ARL15: variants seen among roughly 807,000 people sequenced by gnomAD.
The protein encoded by ARL15 is ARF like GTPase 15.
Under a neutral mutation model 25.2 loss-of-function variants are expected in ARL15, and 19 were observed. That is an observed-to-expected ratio of 0.75 (90% CI 0.53 to 1.10). The LOEUF (loss-of-function observed/expected upper bound fraction) is 1.10. Ranked by LOEUF, ARL15 falls within the 50% of genes least tolerant of loss-of-function variation. The pLI is 0.00. For missense variants in ARL15, 220 were observed against 246.0 expected (o/e 0.89, Z 0.71); for synonymous variants, 94 against 86.8 (o/e 1.08, Z -0.46).
At chr5:54,191,765 GCCTCACACTGGCTC>G (rs1445216383) in intron 1 of ARL15, among the ~76,000 whole-genome samples, 1 of 151,950 alleles carries the variant, frequency 6.6e-6, no homozygotes, top group East Asian at 1.9e-4. Flanking sequence ...TATTCCAAAA[GCCTCACACTGGCTC>G]CCTGCTTTCA....
At chr5:54,098,724 C>T (rs1030392438) in intron 4 of ARL15, among the ~76,000 whole-genome samples, 1 of 152,124 alleles carries the variant, frequency 6.6e-6, no homozygotes, top group Admixed American at 6.6e-5. Flanking sequence ...CATTTTTTAA[C>T]TAAGTAATTT....
chr5:54,191,631 T>C (rs1283523396), intron 1 of ARL15, among the ~76,000 whole-genome samples: 1 of 152,246 alleles, frequency 6.6e-6, no homozygotes, highest in Non-Finnish European at 1.5e-5. Context: ...TTGGCACCCC[T>C]TTTTCTCTCA....
At chr5:53,954,999 C>T (rs770475243) in intron 4 of ARL15, among the ~76,000 whole-genome samples, 6 of 151,928 alleles carry the variant, frequency 3.9e-5, no homozygotes, top group Non-Finnish European at 7.4e-5. Context: ...TCTTCCAGCA[C>T]TGAAATGCAC....
chr5:54,292,807 T>C lies in ARL15; in HGVS notation c.48+17625A>G, dbSNP rs72756289. Reference sequence around the variant, plus strand: ...ACGTGGGTATTTCCAGGCCTGTTTCTCATATTAAAAAAACAAAAGGATACT... The same window carrying C: ...ACGTGGGTATTTCCAGGCCTGTTTCCCATATTAAAAAAACAAAAGGATACT... On this transcript the variant is annotated intron_variant, in intron 1 of 4. Transcript: ENST00000504924. 9.9e-3 allele frequency among the ~76,000 whole-genome samples: 1,500 copies of C among 152,184 alleles called. 9 individuals carry two copies. Among genetic ancestry groups the C allele is most frequent in the Middle Eastern group, 0.02 (6 of 294 alleles).
At chr5:54,004,156 C>T (rs968095990) in intron 4 of ARL15, among the ~76,000 whole-genome samples, 16 of 152,202 alleles carry the variant, frequency 1.1e-4, no homozygotes, top group African/African-American at 2.6e-4. Flanking sequence ...CAGCACTTTA[C>T]GTATAATAAT....
intron 4 of ARL15, among the ~76,000 whole-genome samples, chr5:53,978,389 C>T (rs1462521996): frequency 6.6e-6 from 1 of 152,064 alleles, no homozygotes; most frequent in Non-Finnish European, 1.5e-5. Flanking sequence ...TTAATGCCCA[C>T]CCTAATGTTC....
At position 54,024,254 on chromosome 5, in the gene ARL15, G is replaced by A. The variant is rs143062524; in HGVS notation, c.462+88948C>T. Among the ~76,000 whole-genome samples, 37 of 152,244 alleles carry A rather than the reference G, an allele frequency of 2.4e-4. No individual in the cohort carries two copies. The East Asian group carries it at 6.4e-3, about 26-fold the overall frequency. On this transcript the variant is annotated intron_variant, in intron 4 of 4. Coordinates refer to ENST00000504924, the MANE Select transcript of ARL15 (RefSeq NM_019087.3). ...GCAACCATGGAGAAAACTCGGTGAC[G>A]AGTACACAGGATCTTTCTCAGCTAT... is the stretch of plus-strand genomic sequence containing the variant.
chr5:54,276,671 G>A (rs994955073), intron 1 of ARL15, among the ~76,000 whole-genome samples: 9 of 152,240 alleles, frequency 5.9e-5, no homozygotes, highest in African/African-American at 2.2e-4. Flanking sequence ...GAACTTTGCA[G>A]ATATGATTAA....
Position 54,113,393 on chromosome 5 carries a change from T to A in ARL15, c.271A>T (p.Lys91Ter). Residue 91 changes from lysine (K) to a stop codon, truncating the protein, a stop_gained, in exon 4 of 5, where the codon AAA (lysine) becomes TAA (stop). Coordinates refer to ENST00000504924, the MANE Select transcript of ARL15 (RefSeq NM_019087.3). LOFTEE classifies it high-confidence loss of function. ...CCTTGGTAGTAGCGGCTCCAGTATTTCCGGATGTTATCAGCCCCTGTCAAA... is the reference window on the plus strand; with the variant it reads ...CCTTGGTAGTAGCGGCTCCAGTATTACCGGATGTTATCAGCCCCTGTCAAA... ...KELGGADNIRKYWSRYYQGSQ... is the reference protein window; with the variant it reads ...KELGGADNIR The A allele has an allele frequency of 4.3e-6, 7 of 1,613,786 alleles. No individual in the cohort carries two copies. Among genetic ancestry groups the A allele is most frequent in the Non-Finnish European group, 5.9e-6 (7 of 1,179,812 alleles).
intron 1 of ARL15, among the ~76,000 whole-genome samples, chr5:54,211,801 C>A (rs1040165246): frequency 7.2e-5 from 11 of 151,866 alleles, no homozygotes; most frequent in African/African-American, 2.4e-4. Context: ...TCTTATCTTA[C>A]TTTTAAAAAG....
chr5:54,306,726 C>T (rs1326537493), intron 1 of ARL15, among the ~76,000 whole-genome samples: 2 of 151,398 alleles, frequency 1.3e-5, no homozygotes, highest in African/African-American at 2.4e-5. Context: ...TGAAAAGCAA[C>T]GTACTGTTTA....
At position 54,215,502 on chromosome 5, in the gene ARL15, C is replaced by A. The variant is rs112718333; in HGVS notation, c.49-43574G>T. On this transcript the variant is annotated intron_variant, in intron 1 of 4. Transcript: ENST00000504924. Reference sequence around the variant, plus strand: ...ATTCACACATGGATCAAAGCACATGCTAATGCTATCATGAAGTCATACACA... The same window carrying A: ...ATTCACACATGGATCAAAGCACATGATAATGCTATCATGAAGTCATACACA... Among the ~76,000 whole-genome samples, 332 of 151,650 alleles carry A rather than the reference C, an allele frequency of 2.2e-3. 2 individuals are homozygous for A. Among genetic ancestry groups the A allele is most frequent in the African/African-American group, 7.8e-3 (322 of 41,352 alleles).
intron 1 of ARL15, among the ~76,000 whole-genome samples, chr5:54,211,528 T>G (rs1344090084): frequency 7.0e-6 from 1 of 142,960 alleles, no homozygotes; most frequent in Non-Finnish European, 1.5e-5. Flanking sequence ...TGGAGTGCAG[T>G]GGTGCAATCT....
At chr5:53,950,204 G>C (rs1295687942) in intron 4 of ARL15, among the ~76,000 whole-genome samples, 1 of 149,442 alleles carries the variant, frequency 6.7e-6, no homozygotes, top group African/African-American at 2.4e-5. Flanking sequence ...TGAGGTGAGA[G>C]AAATGCTTGA....
intron 4 of ARL15, among the ~76,000 whole-genome samples, chr5:54,058,918 G>T (rs954867907): frequency 6.6e-6 from 1 of 152,202 alleles, no homozygotes; most frequent in Non-Finnish European, 1.5e-5. Context: ...TGCACATCAG[G>T]AGTGATGATG....
intron 3 of ARL15, among the ~76,000 whole-genome samples, chr5:54,141,651 C>A (rs1349259323): frequency 1.3e-5 from 2 of 152,084 alleles, no homozygotes; most frequent in Non-Finnish European, 2.9e-5. Context: ...ATAAGTATAT[C>A]CAGCACCTCA....
intron 2 of ARL15, among the ~76,000 whole-genome samples, chr5:54,158,203 G>T (rs1435352526): frequency 6.6e-6 from 1 of 152,094 alleles, no homozygotes; most frequent in East Asian, 1.9e-4. Context: ...GACAGCATTT[G>T]CTCTAGAGAA....
intron 4 of ARL15, among the ~76,000 whole-genome samples, chr5:53,964,496 A>T (rs1747482220): frequency 6.6e-6 from 1 of 151,968 alleles, no homozygotes; most frequent in African/African-American, 2.4e-5. Flanking sequence ...AGTAGCTGGG[A>T]CTACAGGCGC....
intron 1 of ARL15, among the ~76,000 whole-genome samples, chr5:54,174,861 C>T (rs1754818313): frequency 6.6e-6 from 1 of 152,196 alleles, no homozygotes; most frequent in African/African-American, 2.4e-5. Context: ...AAGTGGTCTT[C>T]CACATTCAAT....
Sources: allele counts gnomAD v4.1 joint callset (sites outside exome capture counted in the v4.1 genomes callset), GRCh38; gene constraint gnomAD v4.1.1; transcripts MANE v1.5; gene names NCBI Gene and HGNC (gene_info 2026-07-23, HGNC 2026-07-21).